Variants in CFAP299 observed in about 807,000 individuals in gnomAD.
CFAP299 encodes cilia- and flagella-associated protein 299.
A neutral mutation model predicts 27.0 loss-of-function variants in CFAP299; 21 were observed. The observed-to-expected ratio is 0.78, with a 90% confidence interval of 0.55 to 1.12. The LOEUF is 1.12. Ranked by LOEUF, CFAP299 falls within the 50% of genes most tolerant of loss-of-function variation. The pLI, the probability that CFAP299 is intolerant of heterozygous loss-of-function variation, is 0.00. For missense variants in CFAP299, 310 were observed against 276.6 expected, an observed-to-expected ratio of 1.12 and a Z score of -0.86; for synonymous variants, 104 against 98.1, an observed-to-expected ratio of 1.06 and a Z score of -0.36.
At chr4:80,902,164 CCT>C (rs1734932851) in intron 4 of CFAP299, among the ~76,000 whole-genome samples, 1 of 151,514 alleles carries the variant, frequency 6.6e-6, no homozygotes, top group African/African-American at 2.4e-5. Context: ...GAACATTTTT[CCT>C]ATTAATTAAT....
chr4:80,625,076 A>T (rs1256710618), intron 3 of CFAP299, among the ~76,000 whole-genome samples: 1 of 152,150 alleles, frequency 6.6e-6, no homozygotes. Flanking sequence ...AAGTAAATAC[A>T]TGGTTCAATT....
At chr4:80,767,132 ATTG>A (rs1408735440) in intron 3 of CFAP299, among the ~76,000 whole-genome samples, 1 of 152,072 alleles carries the variant, frequency 6.6e-6, no homozygotes, top group African/African-American at 2.4e-5. Context: ...AAATACATAC[ATTG>A]TATGTATTTT....
chr4:80,953,139 G>A (rs572255202), intron 5 of CFAP299, among the ~76,000 whole-genome samples: 8 of 152,248 alleles, frequency 5.3e-5, no homozygotes, highest in South Asian at 4.2e-4. Context: ...CTTCCGCAAC[G>A]TCTCAGAAAT....
intron 4 of CFAP299, among the ~76,000 whole-genome samples, chr4:80,876,426 C>T (rs937100893): frequency 6.6e-6 from 1 of 152,132 alleles, no homozygotes; most frequent in South Asian, 2.1e-4. Flanking sequence ...CTCATTCTCT[C>T]TCCTGCTTTC....
chr4:80,386,747 G>C (rs1325682939), intron 2 of CFAP299: 10 of 1,489,530 alleles, frequency 6.7e-6, no homozygotes, highest in Admixed American at 3.4e-5. Context: ...GAGGACATGG[G>C]CCTTCAGCTT....
chr4:80,807,710 A>G (rs1456372425), intron 3 of CFAP299, among the ~76,000 whole-genome samples: 1 of 152,102 alleles, frequency 6.6e-6, no homozygotes, highest in Non-Finnish European at 1.5e-5. Flanking sequence ...AAATATAATA[A>G]AATGCATTTA....
At chr4:80,506,797 G>C (rs1259330205) in intron 2 of CFAP299, among the ~76,000 whole-genome samples, 2 of 152,132 alleles carry the variant, frequency 1.3e-5, no homozygotes, top group Non-Finnish European at 1.5e-5. Flanking sequence ...TGGGATAAGA[G>C]AATAACAGAG....
chr4:80,694,046 A>G (rs932475461), intron 3 of CFAP299, among the ~76,000 whole-genome samples: 1 of 152,152 alleles, frequency 6.6e-6, no homozygotes, highest in African/African-American at 2.4e-5. Context: ...TAAAATTATT[A>G]TGTGTAAAAT....
intron 3 of CFAP299, among the ~76,000 whole-genome samples, chr4:80,664,098 A>C (rs1345398137): frequency 6.6e-6 from 1 of 152,118 alleles, no homozygotes; most frequent in Non-Finnish European, 1.5e-5. Flanking sequence ...GTTCATGCTG[A>C]TGACAGTTTC....
chr4:80,731,683 C>T (rs990898803), intron 3 of CFAP299, among the ~76,000 whole-genome samples: 1 of 152,120 alleles, frequency 6.6e-6, no homozygotes, highest in Non-Finnish European at 1.5e-5. Context: ...CCTGATTTTA[C>T]CACAATCAAA....
chr4:80,785,872 C>G (rs1727219845), intron 3 of CFAP299, among the ~76,000 whole-genome samples: 1 of 151,944 alleles, frequency 6.6e-6, no homozygotes, highest in Non-Finnish European at 1.5e-5. Flanking sequence ...AGGAAAGTGC[C>G]TTGCTTAAAA....
chr4:80,443,538 A>G (rs1009525682), intron 2 of CFAP299, among the ~76,000 whole-genome samples: 6 of 152,004 alleles, frequency 3.9e-5, no homozygotes, highest in African/African-American at 1.4e-4. Context: ...TCTCTAAATA[A>G]TAAGAGCTAT....
chr4:80,429,231 A>C (rs1727684767), intron 2 of CFAP299, among the ~76,000 whole-genome samples: 1 of 152,226 alleles, frequency 6.6e-6, no homozygotes, highest in Non-Finnish European at 1.5e-5. Flanking sequence ...ACTCTTTATT[A>C]GCCTTGTTGA....
intron 4 of CFAP299, among the ~76,000 whole-genome samples, chr4:80,889,469 G>A (rs1315178561): frequency 6.6e-6 from 1 of 151,902 alleles, no homozygotes; most frequent in Non-Finnish European, 1.5e-5. Flanking sequence ...TAAGTAACAA[G>A]ATTGAAGGTG....
At chr4:80,781,351 T>G (rs749831336) in intron 3 of CFAP299, among the ~76,000 whole-genome samples, 5 of 152,044 alleles carry the variant, frequency 3.3e-5, no homozygotes, top group African/African-American at 4.8e-5. Flanking sequence ...GAGGTAAGAA[T>G]GGATTTCAAA....
At chr4:80,546,867 G>T (rs1228188848) in intron 2 of CFAP299, among the ~76,000 whole-genome samples, 1 of 152,044 alleles carries the variant, frequency 6.6e-6, no homozygotes, top group Admixed American at 6.6e-5. Context: ...TTTGTAAATT[G>T]CTCGGCCTCA....
intron 2 of CFAP299, among the ~76,000 whole-genome samples, chr4:80,392,135 T>G (rs944291640): frequency 6.6e-6 from 1 of 152,192 alleles, no homozygotes; most frequent in African/African-American, 2.4e-5. Flanking sequence ...TTTCTTCCAT[T>G]TGGAATGGGT....
At chr4:80,953,213 T>G (rs995943759) in intron 5 of CFAP299, among the ~76,000 whole-genome samples, 6 of 152,314 alleles carry the variant, frequency 3.9e-5, no homozygotes, top group African/African-American at 1.4e-4. Context: ...GGATATCTAC[T>G]GAATCACCAA....
intron 3 of CFAP299, among the ~76,000 whole-genome samples, chr4:80,657,666 C>G (rs994217735): frequency 1.3e-5 from 2 of 152,106 alleles, no homozygotes; most frequent in African/African-American, 4.8e-5. Context: ...TAGCATGATG[C>G]CTCCAGCTTT....
Sources: gnomAD v4.1 joint callset for allele counts (sites outside exome capture counted in the v4.1 genomes callset) on GRCh38, gnomAD v4.1.1 for gene constraint, MANE v1.5 for transcripts, NCBI Gene and HGNC (gene_info 2026-07-23, HGNC 2026-07-21) for gene names.